GSE1: variants seen among roughly 807,000 people sequenced by gnomAD.
GSE1 encodes the protein Gse1 coiled-coil protein.
GSE1 carries 32 observed loss-of-function variants against 112.6 expected under a neutral mutation model. The observed-to-expected ratio is 0.28, with a 90% CI of 0.21 to 0.38. GSE1 has a LOEUF of 0.38. Ranked by LOEUF, GSE1 falls within the 10% of genes least tolerant of loss-of-function variation. GSE1 has a pLI of 1.00. For missense variants in GSE1, 2,348 were observed against 1,699.2 expected, an observed-to-expected ratio of 1.38 and a Z score of -6.71; for synonymous variants, 1,115 against 735.6, an observed-to-expected ratio of 1.52 and a Z score of -8.35.
chr16:85,237,754 C>T (rs1370138297), intron 1 of GSE1, among the ~76,000 whole-genome samples: 2 of 151,608 alleles, frequency 1.3e-5, no homozygotes, highest in East Asian at 3.9e-4. Flanking sequence ...AGGAGAATGG[C>T]GTGAACCCAG....
chr16:85,177,687 G>C (rs114961941), intron 1 of GSE1, among the ~76,000 whole-genome samples: 6 of 152,226 alleles, frequency 3.9e-5, no homozygotes, highest in Non-Finnish European at 7.3e-5. Context: ...TTTATTGGCA[G>C]TCTCTGCTGT....
chr16:85,297,494 G>A (rs1018874186), intron 1 of GSE1, among the ~76,000 whole-genome samples: 3 of 150,018 alleles, frequency 2.0e-5, no homozygotes, highest in African/African-American at 7.6e-5. Flanking sequence ...TAGCTATTGT[G>A]TTTTTTTTGT....
chr16:85,653,853 C>T (rs999407164), intron 3 of GSE1, among the ~76,000 whole-genome samples: 3 of 152,202 alleles, frequency 2.0e-5, no homozygotes, highest in East Asian at 1.9e-4. Context: ...TACATCGTGG[C>T]ACTCGCTTCA....
chr16:85,428,804 C>T (rs1320770366), intron 2 of GSE1, among the ~76,000 whole-genome samples: 1 of 152,154 alleles, frequency 6.6e-6, no homozygotes, highest in Non-Finnish European at 1.5e-5. Flanking sequence ...CTGGGGGATC[C>T]TTGGCAGTTA....
intron 2 of GSE1, among the ~76,000 whole-genome samples, chr16:85,367,651 C>T (rs2151591442): frequency 6.6e-6 from 1 of 152,298 alleles, no homozygotes; most frequent in East Asian, 1.9e-4. Context: ...CCGGGGCAGC[C>T]AGTGCCTGGC....
intron 1 of GSE1, among the ~76,000 whole-genome samples, chr16:85,626,884 C>A (rs1474789680): frequency 6.6e-6 from 1 of 151,870 alleles, no homozygotes; most frequent in African/African-American, 2.4e-5. Flanking sequence ...GGCCTCCCCC[C>A]TCGTTTAAAT....
chr16:85,386,201 T>C (rs1321043712), intron 2 of GSE1, among the ~76,000 whole-genome samples: 1 of 152,184 alleles, frequency 6.6e-6, no homozygotes, highest in Non-Finnish European at 1.5e-5. Context: ...GGGCTCAGCA[T>C]TGTGGCCAGC....
At chr16:85,351,608 C>A (rs774271389) in intron 1 of GSE1, among the ~76,000 whole-genome samples, 8 of 152,152 alleles carry the variant, frequency 5.3e-5, no homozygotes, top group Non-Finnish European at 1.5e-5. Flanking sequence ...GGTTACACAG[C>A]TTGTACATAC....
At chr16:85,227,932 T>G (rs541425212) in intron 1 of GSE1, among the ~76,000 whole-genome samples, 2 of 151,842 alleles carry the variant, frequency 1.3e-5, no homozygotes, top group Admixed American at 1.3e-4. Flanking sequence ...CTGAAACAGA[T>G]CAACGCAGAG....
intron 1 of GSE1, among the ~76,000 whole-genome samples, chr16:85,325,779 C>A (rs575904771): frequency 5.1e-5 from 6 of 118,544 alleles, no homozygotes; most frequent in South Asian, 2.7e-4. Flanking sequence ...TTTTTTGAGA[C>A]GGAGTCTCCC....
intron 2 of GSE1, among the ~76,000 whole-genome samples, chr16:85,394,874 G>C (rs2151654299): frequency 6.6e-6 from 1 of 152,236 alleles, no homozygotes; most frequent in East Asian, 1.9e-4. Context: ...CTCAAACATT[G>C]GCCCAGACCA....
intron 2 of GSE1, among the ~76,000 whole-genome samples, chr16:85,507,783 G>A (rs1283687603): frequency 6.6e-6 from 1 of 152,204 alleles, no homozygotes; most frequent in African/African-American, 2.4e-5. Context: ...AGGCCCGGGG[G>A]CTGGGATGTC....
In GSE1 at chr16:85,227,612, G is replaced by T. The variant is rs184802797; in HGVS notation, c.2283+55805G>T. The stretch of plus-strand genomic sequence containing the variant: ...GAGAGCAGCGGGGAGGTTCTTGCAG[G>T]TTGGGGCTGGATGCCGGGTGGTTGG... On this transcript the variant is annotated intron_variant, in intron 1 of 2. Coordinates refer to the GSE1 transcript ENST00000637419. Among the ~76,000 whole-genome samples, 49 of 152,318 alleles carry T rather than the reference G, an allele frequency of 3.2e-4. 1 individual carries two copies. In the Middle Eastern group the frequency reaches 0.01, roughly 32 times the overall value.
chr16:85,455,774 C>G lies in GSE1; in HGVS notation c.2464+98131C>G, dbSNP rs540500962. Reference sequence around the variant, plus strand: ...CTGACAAGCTTGGGGGGAATGTGACCCATCCACGTGCAGGCAGCTGTCTGG... The same window carrying G: ...CTGACAAGCTTGGGGGGAATGTGACGCATCCACGTGCAGGCAGCTGTCTGG... On this transcript the variant is annotated intron_variant, in intron 2 of 2. Coordinates refer to the GSE1 transcript ENST00000637419. Among the ~76,000 whole-genome samples, 18 of 152,320 alleles carry G rather than the reference C, an allele frequency of 1.2e-4. No homozygotes were observed. In the South Asian group the frequency reaches 3.1e-3, roughly 26 times the overall value.
rs1567555886 is a variant in GSE1, at chr16:85,519,570, C to CCTTCACCACCAT, written c.2465-114343_2465-114342insTTCACCACCATC. Among the ~76,000 whole-genome samples the CCTTCACCACCAT allele has an allele frequency of 4.9e-4, 17 of 34,790 alleles. 6 individuals are homozygous for CCTTCACCACCAT. Among genetic ancestry groups the CCTTCACCACCAT allele is most frequent in the African/African-American group, 1.5e-3 (14 of 9,288 alleles). 22.8% of individuals were successfully genotyped at this position (34,790 alleles called of 152,430 possible). A position where few individuals can be genotyped will look rare whatever the true frequency, so the allele number is the denominator to read the frequency against. On this transcript the variant is annotated intron_variant, in intron 2 of 2. Transcript: ENST00000637419. ...ATTACCACCATCACTATCATCATCA[C>CCTTCACCACCAT]CATCACCAGTCTCCATCATCATCAC... is the stretch of plus-strand genomic sequence containing the variant.
At chr16:85,177,691 C>G (rs898829566) in intron 1 of GSE1, among the ~76,000 whole-genome samples, 2 of 152,206 alleles carry the variant, frequency 1.3e-5, no homozygotes, top group Non-Finnish European at 2.9e-5. Context: ...TTGGCAGTCT[C>G]TGCTGTGAGG....
At chr16:85,174,173 G>T (rs999013636) in intron 1 of GSE1, among the ~76,000 whole-genome samples, 1 of 152,212 alleles carries the variant, frequency 6.6e-6, no homozygotes, top group African/African-American at 2.4e-5. Flanking sequence ...AGCCTCCGTG[G>T]GCGGGAGGTG....
intron 2 of GSE1, among the ~76,000 whole-genome samples, chr16:85,397,812 G>T (rs1226375047): frequency 6.6e-6 from 1 of 152,198 alleles, no homozygotes; most frequent in Non-Finnish European, 1.5e-5. Context: ...CTGAAGGTCT[G>T]ATTTAAATTC....
intron 2 of GSE1, among the ~76,000 whole-genome samples, chr16:85,420,924 C>T (rs1462684635): frequency 2.6e-5 from 4 of 152,166 alleles, no homozygotes; most frequent in Non-Finnish European, 5.9e-5. Flanking sequence ...GGTGTGAGAC[C>T]GCGCTGTCCT....
Sources: gnomAD v4.1 joint callset for allele counts (sites outside exome capture counted in the v4.1 genomes callset) on GRCh38, gnomAD v4.1.1 for gene constraint, MANE v1.5 for transcripts, NCBI Gene and HGNC (gene_info 2026-07-23, HGNC 2026-07-21) for gene names.